The following ABHD2 variants were observed in gnomAD, a reference collection of about 807,000 sequenced individuals.
The protein encoded by ABHD2 is abhydrolase domain containing 2, acylglycerol lipase.
A neutral mutation model predicts 48.1 loss-of-function variants in ABHD2; 20 were observed. The observed-to-expected ratio is 0.42, with a 90% CI of 0.29 to 0.60. The LOEUF is 0.60. Among genes scored for constraint, ABHD2 ranks in the 20% least tolerant of loss-of-function variants. The pLI is 0.24. For missense variants in ABHD2, 405 were observed against 550.9 expected (o/e 0.74, Z 2.65); for synonymous variants, 209 against 214.2 (o/e 0.98, Z 0.21).
In ABHD2 at chr15:89,100,602, G is replaced by T. The variant is rs186962047; in HGVS notation, c.-107+12039G>T. 2.6e-5 allele frequency among the ~76,000 whole-genome samples: 4 copies of T among 152,286 alleles called. No homozygotes were observed. The highest frequency in any genetic ancestry group is 2.0e-4 in the Admixed American group (3 of 15,300). On this transcript the variant is annotated intron_variant, in intron 1 of 10. Coordinates refer to ENST00000352732, the MANE Select transcript of ABHD2 (RefSeq NM_152924.5). This position sits in a 1 kb window ranked among gnomAD's most constrained non-coding sequence, Gnocchi z 4.4. ...GGAACCTTATTGGCCAGGCAAAGTGGCTCACGCCTGTAATCCCAGCACTTT... is the reference window on the plus strand; with the variant it reads ...GGAACCTTATTGGCCAGGCAAAGTGTCTCACGCCTGTAATCCCAGCACTTT...
chr15:89,056,932 A>C, the ABHD2 span, among the ~76,000 whole-genome samples: 494 of 39,276 alleles, frequency 0.013, 3 homozygotes, highest in African/African-American at 0.029. Context: ...TTTTTTTTTG[A>C]GATGGAGTTT....
intron 3 of ABHD2, among the ~76,000 whole-genome samples, chr15:89,123,764 A>G (rs962632983): frequency 3.3e-5 from 5 of 151,746 alleles, no homozygotes; most frequent in Non-Finnish European, 7.4e-5. Context: ...TGGCTGGCTA[A>G]TTTTTAAAAA....
At chr15:89,160,563 A>T (rs2050747119) in intron 5 of ABHD2, among the ~76,000 whole-genome samples, 1 of 148,090 alleles carries the variant, frequency 6.8e-6, no homozygotes, top group African/African-American at 2.5e-5. Context: ...TTTTTGTCTT[A>T]TTAGTCAAGA....
chr15:89,057,062 C>G, the ABHD2 span, among the ~76,000 whole-genome samples: 1 of 151,904 alleles, frequency 6.6e-6, no homozygotes, highest in Non-Finnish European at 1.5e-5. Context: ...TACAGGCACA[C>G]GCCACCACGC....
the ABHD2 span, among the ~76,000 whole-genome samples, chr15:89,048,853 G>A: frequency 6.7e-6 from 1 of 149,712 alleles, no homozygotes; most frequent in Non-Finnish European, 1.5e-5. Flanking sequence ...ATGTCCTCCC[G>A]TAGCTCGGAG....
intron 5 of ABHD2, among the ~76,000 whole-genome samples, chr15:89,162,233 T>A (rs2050773863): frequency 6.6e-6 from 1 of 152,186 alleles, no homozygotes; most frequent in Non-Finnish European, 1.5e-5. Context: ...CGGAAACACT[T>A]AAAACAGTAC....
rs2051201130 is a variant in ABHD2 at position 89,185,954 on chromosome 15, G to A, written c.815+438G>A. Reference sequence around the variant, plus strand: ...TGCACCCCAGCCTGGGTGACAGAGCGAGACCCTGTCTGAAAAAAAAGAAAA... The same window carrying A: ...TGCACCCCAGCCTGGGTGACAGAGCAAGACCCTGTCTGAAAAAAAAGAAAA... On this transcript the variant is annotated intron_variant, in intron 7 of 10. Coordinates refer to ENST00000352732, the MANE Select transcript of ABHD2 (RefSeq NM_152924.5). The surrounding 1 kb of genome is among the most constrained non-coding windows in gnomAD (Gnocchi z 5.9). Among the ~76,000 whole-genome samples, 1 of 152,174 alleles carries A rather than the reference G, an allele frequency of 6.6e-6. No homozygotes were observed. Among genetic ancestry groups the A allele is most frequent in the Admixed American group, 6.5e-5 (1 of 15,282 alleles).
chr15:89,158,668 A>C (rs997542695), intron 5 of ABHD2, among the ~76,000 whole-genome samples: 1 of 152,172 alleles, frequency 6.6e-6, no homozygotes, highest in Non-Finnish European at 1.5e-5. Flanking sequence ...AGTTGATTAC[A>C]TATAGTAAAC....
In ABHD2 at chr15:89,188,883, T is replaced by TAAAAAAAAAAAA. The variant is rs34046140; in HGVS notation, c.926+584_926+595dup. Reference sequence around the variant, plus strand: ...GACACAGCAAGACCCTTCTCAAAATTAAAAAAAAAAAAAAAGAAGTAGAAA... The same window carrying TAAAAAAAAAAAA: ...GACACAGCAAGACCCTTCTCAAAATTAAAAAAAAAAAAAAAAAAAAAAAAAAAGAAGTAGAAA... On this transcript the variant is annotated intron_variant, in intron 8 of 10. Transcript: ENST00000352732. The surrounding 1 kb of genome is among the most constrained non-coding windows in gnomAD (Gnocchi z 4.1). Among the ~76,000 whole-genome samples, 1 of 135,576 alleles carries TAAAAAAAAAAAA rather than the reference T, an allele frequency of 7.4e-6. No individual in the cohort carries two copies. The allele number at this position is 135,576 out of a possible 152,430, so 88.9% of individuals were successfully genotyped here.
At chr15:89,136,223 C>G (rs1750225616) in intron 3 of ABHD2, 4 of 311,930 alleles carry the variant, frequency 1.3e-5, no homozygotes, top group South Asian at 1.1e-4. Flanking sequence ...GCCACCACAC[C>G]CAGCCTGAAC....
chr15:89,053,517 C>G, the ABHD2 span, among the ~76,000 whole-genome samples: 613 of 152,272 alleles, frequency 4.0e-3, 4 homozygotes, highest in Middle Eastern at 0.024. Flanking sequence ...AGCGCTGTGA[C>G]CAACAGCAGC....
At chr15:89,157,797 C>T (rs548296380) in intron 5 of ABHD2, among the ~76,000 whole-genome samples, 23 of 151,838 alleles carry the variant, frequency 1.5e-4, no homozygotes, top group Non-Finnish European at 2.6e-4. Flanking sequence ...GAGCTGAGAT[C>T]GCGCCACTGC....
At chr15:89,118,509 C>G (rs187558299) in intron 3 of ABHD2, among the ~76,000 whole-genome samples, 2 of 152,242 alleles carry the variant, frequency 1.3e-5, no homozygotes, top group South Asian at 2.1e-4. Flanking sequence ...TCAATAACTT[C>G]GACTGTTACT....
intron 3 of ABHD2, among the ~76,000 whole-genome samples, chr15:89,138,533 A>G (rs2050351252): frequency 6.6e-6 from 1 of 152,214 alleles, no homozygotes; most frequent in Non-Finnish European, 1.5e-5. Context: ...GAATATTCAA[A>G]TTAATTAGCC....
intron 3 of ABHD2, among the ~76,000 whole-genome samples, chr15:89,139,663 G>T (rs1314122816): frequency 6.6e-6 from 1 of 152,166 alleles, no homozygotes; most frequent in African/African-American, 2.4e-5. Flanking sequence ...CTCAGTCCAT[G>T]TTGTCACTCT....
chr15:89,135,476 A>G, intron 3 of ABHD2: 2 of 790,182 alleles, frequency 2.5e-6, no homozygotes, highest in Admixed American at 2.3e-5. Context: ...TTTTTTCTTT[A>G]AAAGGAGTGA....
chr15:89,068,199 C>CAA, the ABHD2 span, among the ~76,000 whole-genome samples: 1 of 17,190 alleles, frequency 5.8e-5, no homozygotes, highest in South Asian at 6.6e-3. Flanking sequence ...TGCGCGTGCA[C>CAA]ACACACACAC....
chr15:89,078,003 A>T, the ABHD2 span, among the ~76,000 whole-genome samples: 4 of 152,172 alleles, frequency 2.6e-5, no homozygotes, highest in African/African-American at 7.2e-5. Context: ...TCCCTTGAAT[A>T]TATGTGTCAC....
At chr15:89,082,348 G>T in the ABHD2 span, 1 of 152,150 alleles carries the variant, frequency 6.6e-6, no homozygotes, top group African/African-American at 2.4e-5. This position sits in a 1 kb window ranked among gnomAD's most constrained non-coding sequence, Gnocchi z 4.4. Flanking sequence ...AATACCCAAG[G>T]GGCTGAGACG....
Sources: gnomAD v4.1 joint callset for allele counts (sites outside exome capture counted in the v4.1 genomes callset) on GRCh38, gnomAD v4.1.1 for gene constraint, Gnocchi (gnomAD v3.1) non-coding constraint, MANE v1.5 for transcripts, NCBI Gene and HGNC (gene_info 2026-07-23, HGNC 2026-07-21) for gene names.